R3HDM2: variants seen among roughly 807,000 people sequenced by gnomAD.
R3HDM2 encodes R3H domain containing 2.
R3HDM2 carries 38 observed loss-of-function variants against 124.5 expected under a neutral mutation model. The ratio of observed to expected loss-of-function variants is 0.31; its 90% CI spans 0.24 to 0.40. The LOEUF is 0.40. R3HDM2 is among the 10% of genes least tolerant of loss of function. R3HDM2 has a pLI of 1.00. For synonymous variants in R3HDM2, 391 were observed against 448.0 expected, an observed-to-expected ratio of 0.87 and a Z score of 1.61; for missense variants, 869 against 1,236.9, an observed-to-expected ratio of 0.70 and a Z score of 4.46.
chr12:57,290,917 T>C (rs896531641), intron 11 of R3HDM2, among the ~76,000 whole-genome samples: 1 of 152,212 alleles, frequency 6.6e-6, no homozygotes, highest in African/African-American at 2.4e-5. Context: ...CAACCAGTAC[T>C]TGCTGCTATT....
intron 14 of R3HDM2, among the ~76,000 whole-genome samples, chr12:57,278,555 G>A (rs761058474): frequency 1.3e-5 from 2 of 152,048 alleles, no homozygotes; most frequent in African/African-American, 2.4e-5. Flanking sequence ...TAAAAAACAC[G>A]GTAGCAGATG....
chr12:57,351,025 G>A (rs1255685153), intron 2 of R3HDM2, among the ~76,000 whole-genome samples: 1 of 152,204 alleles, frequency 6.6e-6, no homozygotes, highest in Non-Finnish European at 1.5e-5. Flanking sequence ...TTGAACCTTG[G>A]AGGTGGAGGT....
At chr12:57,367,939 T>C (rs1194651420) in intron 2 of R3HDM2, among the ~76,000 whole-genome samples, 1 of 152,108 alleles carries the variant, frequency 6.6e-6, no homozygotes, top group Admixed American at 6.5e-5. Context: ...ATTAAATATA[T>C]TTATTTTATG....
chr12:57,352,665 G>A (rs990700372), intron 2 of R3HDM2, among the ~76,000 whole-genome samples: 1 of 151,838 alleles, frequency 6.6e-6, no homozygotes, highest in Non-Finnish European at 1.5e-5. Context: ...GCTAATTTTT[G>A]TACTTTTTTG....
chr12:57,399,780 C>T (rs576612971), intron 1 of R3HDM2, among the ~76,000 whole-genome samples: 2 of 152,112 alleles, frequency 1.3e-5, no homozygotes, highest in Non-Finnish European at 2.9e-5. Flanking sequence ...AAGTGACCTT[C>T]CCCCCTGAAA....
chr12:57,390,705 G>A (rs2066536436), intron 2 of R3HDM2, among the ~76,000 whole-genome samples: 1 of 151,576 alleles, frequency 6.6e-6, no homozygotes, highest in Admixed American at 6.6e-5. Flanking sequence ...CAAAAAAAAA[G>A]GAAGAAAGAA....
chr12:57,304,203 G>A (rs1566054595), intron 3 of R3HDM2, among the ~76,000 whole-genome samples: 1 of 152,160 alleles, frequency 6.6e-6, no homozygotes, highest in Non-Finnish European at 1.5e-5. Flanking sequence ...TCCAGAGCAA[G>A]GGGAAGAGAG....
At chr12:57,404,524 CGT>C (rs1216588995) in intron 1 of R3HDM2, among the ~76,000 whole-genome samples, 4 of 151,448 alleles carry the variant, frequency 2.6e-5, no homozygotes, top group African/African-American at 9.7e-5. Flanking sequence ...GGTGAAACCT[CGT>C]CTCTATTAAA....
intron 1 of R3HDM2, among the ~76,000 whole-genome samples, chr12:57,403,699 C>A (rs1200609063): frequency 1.3e-5 from 2 of 151,428 alleles, no homozygotes; most frequent in Non-Finnish European, 1.5e-5. Flanking sequence ...AGTCCCAGCT[C>A]AACTTGTGAG....
chr12:57,365,761 C>T (rs2137754023), intron 2 of R3HDM2, among the ~76,000 whole-genome samples: 1 of 152,126 alleles, frequency 6.6e-6, no homozygotes, highest in East Asian at 1.9e-4. Flanking sequence ...CATGGTGAAA[C>T]CCCGTCTCTA....
intron 2 of R3HDM2, among the ~76,000 whole-genome samples, chr12:57,332,776 C>T (rs920214317): frequency 6.6e-6 from 1 of 152,216 alleles, no homozygotes; most frequent in African/African-American, 2.4e-5. Flanking sequence ...ACTGAACACA[C>T]TTTTTGTCCC....
chr12:57,317,299 C>T (rs1451225488), intron 2 of R3HDM2, among the ~76,000 whole-genome samples: 1 of 151,532 alleles, frequency 6.6e-6, no homozygotes, highest in Non-Finnish European at 1.5e-5. Context: ...ACCTCTGGGG[C>T]TCAGCCTCCT....
At chr12:57,353,994 C>G (rs994321138) in intron 2 of R3HDM2, among the ~76,000 whole-genome samples, 3 of 151,908 alleles carry the variant, frequency 2.0e-5, no homozygotes, top group Admixed American at 2.0e-4. Flanking sequence ...GCTAGGATTA[C>G]AAGTGCACGC....
At chr12:57,400,290 C>T (rs912616814) in intron 1 of R3HDM2, among the ~76,000 whole-genome samples, 5 of 152,092 alleles carry the variant, frequency 3.3e-5, no homozygotes, top group Non-Finnish European at 5.9e-5. Flanking sequence ...GTAAGGACAT[C>T]GATGAAGCTG....
At chr12:57,429,000 G>A (rs191531502) in intron 1 of R3HDM2, among the ~76,000 whole-genome samples, 10 of 152,118 alleles carry the variant, frequency 6.6e-5, no homozygotes, top group South Asian at 2.1e-4. Flanking sequence ...ACCTGCCTTC[G>A]CCTCCCAAAG....
intron 4 of R3HDM2, 42 bp from the exon 5 acceptor site, chr12:57,300,223 CTTATA>C: frequency 6.1e-6 from 9 of 1,464,360 alleles, no homozygotes; most frequent in African/African-American, 1.4e-5. Flanking sequence ...TTTAATGTAT[CTTATA>C]TATTTCTTCC....
At position 57,420,114 on chromosome 12, in the gene R3HDM2, C is replaced by T. The variant is rs145966139; in HGVS notation, c.-106+10606G>A. Among the ~76,000 whole-genome samples the T allele has an allele frequency of 1.9e-3, 286 of 152,228 alleles. 3 individuals are homozygous for T. The Middle Eastern group carries it at 0.02, about 11-fold the overall frequency. ...TTAATGAAGGGGATAATAATTCTAC[C>T]CCTACTTTAGATTGCATCTTCTCTG... On this transcript the variant is annotated intron_variant, in intron 1 of 23. Transcript: ENST00000402412.
At position 57,258,218 on chromosome 12, in the gene R3HDM2, C is replaced by G. The variant is rs979827548; in HGVS notation, c.2302-81G>C. On this transcript the variant is annotated intron_variant, in intron 20 of 23. Coordinates refer to ENST00000402412, the MANE Select transcript of R3HDM2 (RefSeq NM_001394031.1). ...TCCTATGGCTTGGCTTAAAATTCAC[C>G]TCTCTCAGGAAATAAGTTTCTCTTG... The G allele has an allele frequency of 3.2e-6, 4 of 1,253,792 alleles. No homozygotes were observed. The African/African-American group carries it at 6.0e-5, about 19-fold the overall frequency. The allele number at this position is 1,253,792 out of a possible 1,614,324, so 77.7% of individuals were successfully genotyped here.
At position 57,284,067 on chromosome 12, in the gene R3HDM2, C is replaced by G; in HGVS notation, c.939-11G>C. ...CCTTCACGGTTCCCCCTGCAGAGACCATAGTGGTCAGAGCACCTCCCACCC... is the reference window on the plus strand; with the variant it reads ...CCTTCACGGTTCCCCCTGCAGAGACGATAGTGGTCAGAGCACCTCCCACCC... On this transcript the variant is annotated splice_polypyrimidine_tract_variant and intron_variant, in intron 12 of 23. Coordinates refer to ENST00000402412, the MANE Select transcript of R3HDM2 (RefSeq NM_001394031.1). The G allele has an allele frequency of 6.3e-7, 1 of 1,580,026 alleles. No individual in the cohort carries two copies. The highest frequency in any genetic ancestry group is 2.4e-5 in the East Asian group (1 of 42,514).
Sources: gnomAD v4.1 joint callset for allele counts (sites outside exome capture counted in the v4.1 genomes callset) on GRCh38, gnomAD v4.1.1 for gene constraint, MANE v1.5 for transcripts, NCBI Gene and HGNC (gene_info 2026-07-23, HGNC 2026-07-21) for gene names.